The following CFAP47 variants were observed in gnomAD, a reference collection of about 807,000 sequenced individuals.
CFAP47 encodes the protein cilia- and flagella-associated protein 47.
In CFAP47, 29 loss-of-function variants were observed where a neutral mutation model predicts 148.1. That is an observed-to-expected ratio of 0.20 (90% CI 0.15 to 0.27). CFAP47 has a LOEUF of 0.27. Among genes scored for constraint, CFAP47 ranks in the 10% least tolerant of loss-of-function variants. The probability of loss-of-function intolerance (pLI) is 1.00; values close to 1 mark genes in which losing one functional copy is unlikely to be tolerated. For synonymous variants in CFAP47, 664 were observed against 577.3 expected (o/e 1.15, Z -2.15); for missense variants, 1,872 against 1,697.5 (o/e 1.10, Z -1.81).
Position 36,106,189 on chromosome X carries a change from G to A in CFAP47, c.5320+1498G>A, listed in dbSNP as rs755757728. ...TCAGCAGCACTTTTTAAATATAAAT[G>A]TAATTGTAAACATAAATGTATTTGT... On this transcript the variant is annotated intron_variant, in intron 33 of 63. Transcript: ENST00000378653. Among the ~76,000 whole-genome samples the A allele has an allele frequency of 5.4e-5, 6 of 112,046 alleles. No individual in the cohort carries two copies. The South Asian group carries it at 1.1e-3, about 21-fold the overall frequency.
intron 28 of CFAP47, 114 bp from the exon 29 acceptor site, chrX:36,073,025 A>G (rs1356297492): frequency 4.1e-6 from 2 of 486,326 alleles, no homozygotes; most frequent in African/African-American, 2.4e-5. Flanking sequence ...CTTTGAGAGC[A>G]TAGAATAATT....
intron 30 of CFAP47, among the ~76,000 whole-genome samples, chrX:36,091,699 CA>C (rs1216909429): frequency 9.0e-6 from 1 of 111,223 alleles, no homozygotes; most frequent in African/African-American, 3.3e-5. Flanking sequence ...AGGGCCATGT[CA>C]AACTTAACTC....
At chrX:36,366,621 T>A (rs1941879304) in intron 61 of CFAP47, among the ~76,000 whole-genome samples, 1 of 110,352 alleles carries the variant, frequency 9.1e-6, no homozygotes, top group Non-Finnish European at 1.9e-5. Flanking sequence ...TTTTGCCAAA[T>A]CCACCCTTAC....
intron 33 of CFAP47, among the ~76,000 whole-genome samples, chrX:36,130,967 G>A (rs953419420): frequency 1.8e-5 from 2 of 110,316 alleles, no homozygotes; most frequent in Non-Finnish European, 3.8e-5. Context: ...GATAGTTAAT[G>A]GGTACAAAAA....
chrX:36,144,861 T>C (rs762759932), intron 35 of CFAP47: 21 of 997,101 alleles, frequency 2.1e-5, no homozygotes, highest in Non-Finnish European at 2.7e-5. Context: ...CAGCCTCCTT[T>C]GGGCTTTCAG....
At chrX:36,132,227 G>A (rs988951142) in intron 33 of CFAP47, among the ~76,000 whole-genome samples, 2 of 111,024 alleles carry the variant, frequency 1.8e-5, no homozygotes, top group African/African-American at 6.5e-5. Flanking sequence ...CAGAAGTGAT[G>A]TAATATAAAA....
intron 22 of CFAP47, among the ~76,000 whole-genome samples, chrX:36,018,501 G>A (rs748740346): frequency 9.0e-6 from 1 of 111,691 alleles, no homozygotes; most frequent in Non-Finnish European, 1.9e-5. Flanking sequence ...CTTTTATTAC[G>A]TTGAGGAATT....
chrX:36,216,600 TTTA>T (rs1555990194), intron 45 of CFAP47, among the ~76,000 whole-genome samples: 3 of 112,099 alleles, frequency 2.7e-5, no homozygotes, highest in African/African-American at 9.7e-5. Flanking sequence ...AGACTCGAGT[TTTA>T]TTATTACTTA....
intron 2 of CFAP47, among the ~76,000 whole-genome samples, chrX:35,934,093 AT>A (rs902312859): frequency 6.4e-5 from 7 of 110,183 alleles, no homozygotes; most frequent in Non-Finnish European, 1.1e-4. Flanking sequence ...CTGTTTGCCA[AT>A]TTTTGCTTTG....
intron 57 of CFAP47, among the ~76,000 whole-genome samples, chrX:36,341,043 T>C (rs1372726093): frequency 1.9e-5 from 2 of 105,951 alleles, no homozygotes; most frequent in African/African-American, 6.9e-5. Context: ...TTTTCTTTTT[T>C]TTTTTTTTTT....
At chrX:36,015,857 C>A (rs760414024) in intron 22 of CFAP47, among the ~76,000 whole-genome samples, 1 of 111,656 alleles carries the variant, frequency 9.0e-6, no homozygotes, top group Non-Finnish European at 1.9e-5. Flanking sequence ...GCAAAAATAT[C>A]TGAAATTCAA....
At chrX:35,927,596 G>GGGGTGTGT (rs1935762465) in intron 2 of CFAP47, among the ~76,000 whole-genome samples, 1 of 106,276 alleles carries the variant, frequency 9.4e-6, no homozygotes, top group African/African-American at 3.5e-5. Flanking sequence ...GTTGAAGGAA[G>GGGGTGTGT]GTGTGTGTGT....
At chrX:36,238,318 C>A (rs782804681) in intron 48 of CFAP47, among the ~76,000 whole-genome samples, 1 of 112,340 alleles carries the variant, frequency 8.9e-6, no homozygotes, top group African/African-American at 3.2e-5. Context: ...TAAGACATGT[C>A]TTTTGCCTTC....
intron 48 of CFAP47, among the ~76,000 whole-genome samples, chrX:36,238,221 C>T (rs1602062716): frequency 9.0e-6 from 1 of 110,893 alleles, no homozygotes; most frequent in Non-Finnish European, 1.9e-5. Context: ...CCATGCTGTT[C>T]TCGTGATAAT....
chrX:36,331,763 C>T (rs1255323836), intron 57 of CFAP47, among the ~76,000 whole-genome samples: 3 of 111,885 alleles, frequency 2.7e-5, no homozygotes, highest in Non-Finnish European at 5.6e-5. Flanking sequence ...CCACCACTTA[C>T]ACCCTCATCT....
At chrX:36,318,174 C>A (rs1353937532) in intron 56 of CFAP47, among the ~76,000 whole-genome samples, 1 of 111,871 alleles carries the variant, frequency 8.9e-6, no homozygotes, top group Non-Finnish European at 1.9e-5. Flanking sequence ...TATCGTATAC[C>A]ACTGTTAGTA....
intron 61 of CFAP47, among the ~76,000 whole-genome samples, chrX:36,366,739 T>C (rs1556020334): frequency 1.8e-5 from 2 of 111,500 alleles, no homozygotes; most frequent in Non-Finnish European, 1.9e-5. Flanking sequence ...TAAGACACCC[T>C]AAAAATAATT....
At chrX:36,260,596 T>C (rs1303866043) in intron 49 of CFAP47, among the ~76,000 whole-genome samples, 1 of 112,378 alleles carries the variant, frequency 8.9e-6, no homozygotes, top group African/African-American at 3.2e-5. Context: ...TGTATTAAGT[T>C]ACTTATAGAT....
chrX:36,147,684 T>G (rs12115966), intron 36 of CFAP47, among the ~76,000 whole-genome samples: 11,820 of 112,104 alleles, frequency 0.11, 1,219 homozygotes, highest in African/African-American at 0.32. Flanking sequence ...TTAAAGAAAC[T>G]AAAGTTGGAA....
Sources: gnomAD v4.1 joint callset for allele counts (sites outside exome capture counted in the v4.1 genomes callset) on GRCh38, gnomAD v4.1.1 for gene constraint, MANE v1.5 for transcripts, NCBI Gene and HGNC (gene_info 2026-07-23, HGNC 2026-07-21) for gene names.